The following RBBP5 variants were observed in gnomAD, a reference collection of about 807,000 sequenced individuals.
RBBP5 encodes the protein retinoblastoma-binding protein 5.
In RBBP5, 5 loss-of-function variants were observed where a neutral mutation model predicts 72.2. That is an observed-to-expected ratio of 0.07 (90% confidence interval 0.04 to 0.15). RBBP5 has a LOEUF of 0.15. Ranked by LOEUF, RBBP5 falls within the 10% of genes least tolerant of loss-of-function variation. RBBP5 has a pLI of 1.00. For missense variants in RBBP5, 322 were observed against 652.2 expected (o/e 0.49, Z 5.51); for synonymous variants, 209 against 237.2 (o/e 0.88, Z 1.09).
At chr1:205,105,203 C>A in intron 3 of RBBP5, 35 bp from the exon 4 acceptor site, 1 of 1,591,804 alleles carries the variant, frequency 6.3e-7, no homozygotes, top group South Asian at 1.1e-5. Flanking sequence ...AGCACATATT[C>A]TAAGTATATC....
At chr1:205,096,502 C>T (rs1375018546) in intron 12 of RBBP5, among the ~76,000 whole-genome samples, 180 bp downstream of exon 12, 1 of 152,162 alleles carries the variant, frequency 6.6e-6, no homozygotes, top group Non-Finnish European at 1.5e-5. Context: ...AGAATTTCTC[C>T]ATTTTAAGAG....
At chr1:205,096,170 G>A (rs11240355) in intron 12 of RBBP5, among the ~76,000 whole-genome samples, 48,721 of 151,708 alleles carry the variant, frequency 0.32, 9,248 homozygotes, top group Non-Finnish European at 0.44. Context: ...TGCAGCCTGG[G>A]CAACAGAGCG....
At chr1:205,094,752 A>T in intron 13 of RBBP5, 121 bp downstream of exon 13, 1 of 1,172,162 alleles carries the variant, frequency 8.5e-7, no homozygotes, top group Non-Finnish European at 1.2e-6. Context: ...TTCAGAAATT[A>T]TCTGCTGCTG....
chr1:205,120,153 T>C (rs1338195560), intron 1 of RBBP5, among the ~76,000 whole-genome samples: 2 of 152,180 alleles, frequency 1.3e-5, no homozygotes, highest in Non-Finnish European at 2.9e-5. Flanking sequence ...GTCTTTTCTA[T>C]TTCCTAGCTC....
intron 4 of RBBP5, 66 bp downstream of exon 4, chr1:205,104,962 C>T (rs1655997130): frequency 3.9e-6 from 6 of 1,532,256 alleles, no homozygotes; most frequent in East Asian, 4.5e-5. Context: ...CTAAAATTAT[C>T]ATGAGCCCAG....
chr1:205,093,144 A>G (rs945796925), intron 13 of RBBP5, among the ~76,000 whole-genome samples: 3 of 152,008 alleles, frequency 2.0e-5, no homozygotes, highest in African/African-American at 7.2e-5. Context: ...AATGCCCACG[A>G]CTGCTCCAGG....
chr1:205,116,462 A>G (rs1656526579), intron 1 of RBBP5: 1 of 181,864 alleles, frequency 5.5e-6, no homozygotes, highest in African/African-American at 2.4e-5. Context: ...TATCCAAGTT[A>G]GCAACAGTCT....
At chr1:205,096,611 T>G in intron 12 of RBBP5, 71 bp downstream of exon 12, 1 of 1,399,212 alleles carries the variant, frequency 7.1e-7, no homozygotes, top group Non-Finnish European at 9.8e-7. Context: ...AACAGGAAAT[T>G]ACCAGGTTGC....
chr1:205,107,036 GTA>G (rs1360421268), intron 3 of RBBP5, among the ~76,000 whole-genome samples: 3 of 148,012 alleles, frequency 2.0e-5, no homozygotes, highest in Non-Finnish European at 4.5e-5. Context: ...GTGTCTGTGT[GTA>G]TATATGTGTG....
chr1:205,089,388 T>G (rs1186954527), intron 13 of RBBP5, among the ~76,000 whole-genome samples: 1 of 152,156 alleles, frequency 6.6e-6, no homozygotes, highest in Non-Finnish European at 1.5e-5. Context: ...AATAGTACAA[T>G]GAAATGAACA....
rs1553352080 is a variant in RBBP5 at position 205,093,458 on chromosome 1, C to CCAAAAAAAAAAAAAAAAAAAAA, written c.1588+1414_1588+1415insTTTTTTTTTTTTTTTTTTTTTG. ...TGGGGACAAGAGTGAAACTCCGTTT[C>CCAAAAAAAAAAAAAAAAAAAAA]AAAAAAAAAAAAAAAAAAAAAATAT... On this transcript the variant is annotated intron_variant, in intron 13 of 13. Coordinates refer to ENST00000264515, the MANE Select transcript of RBBP5 (RefSeq NM_005057.4). Among the ~76,000 whole-genome samples the CCAAAAAAAAAAAAAAAAAAAAA allele has an allele frequency of 3.3e-4, 6 of 18,326 alleles. 1 individual carries two copies. Among genetic ancestry groups the CCAAAAAAAAAAAAAAAAAAAAA allele is most frequent in the Admixed American group, 2.3e-3 (2 of 868 alleles). 12.0% of individuals were successfully genotyped at this position (18,326 alleles called of 152,430 possible).
intron 5 of RBBP5, among the ~76,000 whole-genome samples, chr1:205,103,564 G>A (rs1486701543): frequency 6.6e-6 from 1 of 152,142 alleles, no homozygotes; most frequent in African/African-American, 2.4e-5. Context: ...ATTTTGATCA[G>A]CAGTGTTCCA....
intron 1 of RBBP5, among the ~76,000 whole-genome samples, chr1:205,119,621 G>A (rs560735214): frequency 6.6e-6 from 1 of 152,210 alleles, no homozygotes. Flanking sequence ...CTGCTGAGGA[G>A]TCCCAAGCTG....
chr1:205,115,907 T>C (rs1258763420), intron 1 of RBBP5, 24 bp from the exon 2 acceptor site: 1 of 1,613,694 alleles, frequency 6.2e-7, no homozygotes, highest in East Asian at 2.2e-5. Context: ...AAGAAAGAGT[T>C]GATGGCACAT....
In RBBP5 at chr1:205,088,855, A is replaced by G. The variant is rs779242448; in HGVS notation, c.1589-40T>C. ...CACAAAAAGATTTCTTTTAGCTTCA[A>G]TTTAGACCAGTTACTTGTAAGAACA... On this transcript the variant is annotated intron_variant, in intron 13 of 13. Coordinates refer to ENST00000264515, the MANE Select transcript of RBBP5 (RefSeq NM_005057.4). 7.2e-6 allele frequency: 11 copies of G among 1,521,148 alleles called. No homozygotes were observed. In the African/African-American group the frequency reaches 1.1e-4, roughly 16 times the overall value. The allele number at this position is 1,521,148 out of a possible 1,614,324, so 94.2% of individuals were successfully genotyped here.
intron 5 of RBBP5, 23 bp downstream of exon 5, chr1:205,103,834 G>C: frequency 6.2e-7 from 1 of 1,602,468 alleles, no homozygotes; most frequent in Non-Finnish European, 8.5e-7. Flanking sequence ...CAAGATGCCT[G>C]ATTTGCCAGC....
intron 3 of RBBP5, among the ~76,000 whole-genome samples, chr1:205,111,474 T>C (rs772144880): frequency 1.3e-5 from 2 of 152,200 alleles, no homozygotes; most frequent in Non-Finnish European, 2.9e-5. Context: ...AACTCACCAC[T>C]TCCCCCTCAA....
intron 1 of RBBP5, 73 bp downstream of exon 1, chr1:205,121,782 C>T (rs1263816652): frequency 5.0e-6 from 8 of 1,604,870 alleles, no homozygotes; most frequent in Admixed American, 1.7e-5. Context: ...TGCAGCCTGA[C>T]TCCCCTCCCG....
intron 3 of RBBP5, among the ~76,000 whole-genome samples, chr1:205,110,240 G>A (rs532626664): frequency 1.3e-5 from 2 of 151,810 alleles, no homozygotes; most frequent in Admixed American, 1.3e-4. Context: ...GGCTGGTCTC[G>A]AACTCCTGAC....
Sources: allele counts gnomAD v4.1 joint callset (sites outside exome capture counted in the v4.1 genomes callset), GRCh38; gene constraint gnomAD v4.1.1; transcripts MANE v1.5; gene names NCBI Gene and HGNC (gene_info 2026-07-23, HGNC 2026-07-21).